Variants in GREB1 observed in about 807,000 individuals in gnomAD.
GREB1 encodes growth regulating estrogen receptor binding 1.
GREB1 carries 106 observed loss-of-function variants against 200.7 expected under a neutral mutation model. That is an observed-to-expected ratio of 0.53 (90% CI 0.45 to 0.62). The LOEUF (loss-of-function observed/expected upper bound fraction) is 0.62. GREB1 is among the 20% of genes least tolerant of loss of function. GREB1 has a pLI of 0.00. For synonymous variants in GREB1, 1,132 were observed against 1,092.4 expected (o/e 1.04, Z -0.72); for missense variants, 2,243 against 2,556.8 (o/e 0.88, Z 2.65).
intron 10 of GREB1, 75 bp from the exon 11 acceptor site, chr2:11,592,701 T>C: frequency 1.0e-6 from 1 of 986,946 alleles, no homozygotes; most frequent in South Asian, 1.9e-5. Context: ...GTGGGTACTT[T>C]CACATCACTG....
chr2:11,635,372 G>T lies in GREB1; in HGVS notation c.5313G>T (p.Val1771=), dbSNP rs1318107233. 1 of 1,613,438 alleles carries T rather than the reference G, an allele frequency of 6.2e-7. No homozygotes were observed. Among genetic ancestry groups the T allele is most frequent in the South Asian group, 1.1e-5 (1 of 90,964 alleles). The change falls in exon 30 of 33, where the codon GTG becomes GTT. Residue 1771 remains valine, a synonymous_variant. Transcript: ENST00000381486. ...GCGTGATGAAGAAGCAGATCGTGGT[G>T]GGCGGCCACAGGTCCTTCCACATCA... ...RFSVMKKQIV[V]GGHRSFHITS...
chr2:11,598,054 T>C, intron 14 of GREB1, 76 bp downstream of exon 14: 1 of 1,040,604 alleles, frequency 9.6e-7, no homozygotes, highest in Non-Finnish European at 1.5e-6. Flanking sequence ...GTGTTGACAC[T>C]GTTCTTTGCT....
intron 7 of GREB1, chr2:11,581,118 G>A: frequency 1.7e-6 from 1 of 605,208 alleles, no homozygotes; most frequent in Non-Finnish European, 3.0e-6. Context: ...GCTGGAGGAT[G>A]GTAGAATTTT....
chr2:11,558,499 A>T (rs1381167080), intron 2 of GREB1, among the ~76,000 whole-genome samples: 1 of 152,180 alleles, frequency 6.6e-6, no homozygotes, highest in Admixed American at 6.5e-5. Context: ...GTCCAGCTCC[A>T]CGTTGGTATG....
intron 1 of GREB1, among the ~76,000 whole-genome samples, chr2:11,544,881 C>T (rs1036712710): frequency 6.6e-6 from 1 of 152,242 alleles, no homozygotes; most frequent in African/African-American, 2.4e-5. Context: ...GTAGTGCGTT[C>T]TCAGCTCACT....
intron 1 of GREB1, 79 bp from the exon 2 acceptor site, chr2:11,556,375 T>C: frequency 2.7e-6 from 1 of 364,428 alleles, no homozygotes; most frequent in South Asian, 7.8e-5. Context: ...AGTGAAACAG[T>C]CTAAGAGGTG....
At chr2:11,543,626 T>C (rs925006268) in intron 1 of GREB1, among the ~76,000 whole-genome samples, 3 of 152,236 alleles carry the variant, frequency 2.0e-5, no homozygotes, top group African/African-American at 4.8e-5. Flanking sequence ...ATGAACACTT[T>C]GCAAAGCCCA....
At position 11,556,629 on chromosome 2, in the gene GREB1, C is replaced by A; in HGVS notation, c.15C>A (p.Tyr5Ter). The change falls in exon 2 of 33, where the codon TAC becomes TAA. Residue 5 changes from tyrosine to a stop codon, truncating the protein, a stop_gained. Coordinates refer to ENST00000381486, the MANE Select transcript of GREB1 (RefSeq NM_014668.4). LOFTEE classifies it high-confidence loss of function. MGNS[Y>*]AGQLKTTRFE... Reference sequence around the variant, plus strand: ...TCCTCTTGAAGATGGGAAATTCTTACGCTGGACAGCTGAAGACGACACGCT... The same window carrying A: ...TCCTCTTGAAGATGGGAAATTCTTAAGCTGGACAGCTGAAGACGACACGCT... The A allele has an allele frequency of 6.2e-7, 1 of 1,611,130 alleles. No individual in the cohort carries two copies. The highest frequency in any genetic ancestry group is 1.1e-5 in the South Asian group (1 of 90,378).
In GREB1 at chr2:11,580,156, A is replaced by G. The variant is rs35217326; in HGVS notation, c.773-548A>G. Among the ~76,000 whole-genome samples the G allele has an allele frequency of 0.11, 17,204 of 152,254 alleles. 1,014 individuals are homozygous for G. Among genetic ancestry groups the G allele is most frequent in the Middle Eastern group, 0.17 (49 of 294 alleles). On this transcript the variant is annotated intron_variant, in intron 6 of 32. Coordinates refer to ENST00000381486, the MANE Select transcript of GREB1 (RefSeq NM_014668.4). The surrounding 1 kb of genome is among the most constrained non-coding windows in gnomAD (Gnocchi z 4.5). The stretch of plus-strand genomic sequence containing the variant: ...GAACAGTATGGGGGAAACCACCCCC[A>G]TGATTCAATTACCTCCCGCCAGGTC...
upstream of GREB1, among the ~76,000 whole-genome samples, chr2:11,529,526 C>T (rs1197470457): frequency 1.3e-5 from 2 of 152,206 alleles, no homozygotes; most frequent in African/African-American, 2.4e-5. Context: ...GGTACCACCC[C>T]CTTGCTCTAG....
At chr2:11,592,042 A>G in intron 10 of GREB1, 1 of 979,384 alleles carries the variant, frequency 1.0e-6, no homozygotes, top group Non-Finnish European at 1.2e-6. Flanking sequence ...CCCAGGCTGA[A>G]TGTTCTACAC....
chr2:11,485,871 A>G (rs1270076110), intron 1 of GREB1, among the ~76,000 whole-genome samples: 3 of 152,228 alleles, frequency 2.0e-5, no homozygotes, highest in Non-Finnish European at 4.4e-5. Flanking sequence ...AGTAGAGCTA[A>G]TCAATGGTTA....
intron 6 of GREB1, among the ~76,000 whole-genome samples, chr2:11,579,457 G>A (rs764036324): frequency 2.0e-5 from 3 of 152,248 alleles, no homozygotes; most frequent in Non-Finnish European, 4.4e-5. Flanking sequence ...TAAGGCGATA[G>A]TATGAGCAAG....
chr2:11,588,278 G>T, intron 9 of GREB1: 7 of 1,072,420 alleles, frequency 6.5e-6, no homozygotes, highest in Non-Finnish European at 8.0e-6. Flanking sequence ...GTGATATATT[G>T]TCCCAACTCA....
chr2:11,586,004 G>A, intron 9 of GREB1, 99 bp downstream of exon 9: 1 of 1,284,838 alleles, frequency 7.8e-7, no homozygotes, highest in East Asian at 2.3e-5. Context: ...TGACTCCAAG[G>A]GTATCCTCCT....
At chr2:11,539,607 C>A (rs1228964139) in intron 1 of GREB1, among the ~76,000 whole-genome samples, 1 of 152,178 alleles carries the variant, frequency 6.6e-6, no homozygotes, top group Non-Finnish European at 1.5e-5. Context: ...AGTACACAAA[C>A]TTCCATGTAG....
In GREB1 at chr2:11,598,723, G is replaced by T; in HGVS notation, c.2196G>T (p.Lys732Asn). 1 of 1,614,226 alleles carries T rather than the reference G, an allele frequency of 6.2e-7. No individual in the cohort carries two copies. Among genetic ancestry groups the T allele is most frequent in the Non-Finnish European group, 8.5e-7 (1 of 1,180,026 alleles). ...ELGLKKEHMT[K>N]QRVEQYVLKL... ...GTCTGAAGAAAGAGCACATGACGAA[G>T]CAGAGGGTGGAACAGTATGTTCTGA... Residue 732 changes from lysine (K) to asparagine (N), a missense_variant, in exon 15 of 33, where the codon AAG (lysine) becomes AAT (asparagine). Physicochemically the swap from Lys to Asn is moderately conservative, Grantham distance 94. This residue lies in a region of GREB1 where 1,178 missense variants were observed against 1,387.4 expected (regional missense o/e 0.85). Transcript: ENST00000381486.
chr2:11,600,775 C>T (rs1681712246), intron 15 of GREB1, 25 bp from the exon 16 acceptor site: 18 of 1,583,792 alleles, frequency 1.1e-5, no homozygotes, highest in Non-Finnish European at 1.6e-5. Flanking sequence ...AGTAATTCCA[C>T]TGATTGTGTC....
intron 1 of GREB1, among the ~76,000 whole-genome samples, chr2:11,489,831 G>A (rs911455528): frequency 2.0e-5 from 3 of 151,846 alleles, no homozygotes; most frequent in East Asian, 3.9e-4. Context: ...TGTTATTATC[G>A]TTCCCATTTT....
Sources: allele counts gnomAD v4.1 joint callset (sites outside exome capture counted in the v4.1 genomes callset), GRCh38; gene constraint gnomAD v4.1.1; regional missense constraint gnomAD v4.1.1; non-coding constraint Gnocchi (gnomAD v3.1); transcripts MANE v1.5; gene names NCBI Gene and HGNC (gene_info 2026-07-23, HGNC 2026-07-21).